Variants in ADGRF5 observed in about 807,000 individuals in gnomAD.
ADGRF5 encodes the protein adhesion G protein-coupled receptor F5.
In ADGRF5, 75 loss-of-function variants were observed where a neutral mutation model predicts 132.3. The observed-to-expected ratio is 0.57, with a 90% CI of 0.47 to 0.69. The LOEUF (loss-of-function observed/expected upper bound fraction) is 0.69. Among genes scored for constraint, ADGRF5 ranks in the 30% least tolerant of loss-of-function variants. The probability of loss-of-function intolerance (pLI) is 0.00; values close to 1 mark genes in which losing one functional copy is unlikely to be tolerated. For synonymous variants in ADGRF5, 629 were observed against 597.6 expected (o/e 1.05, Z -0.77); for missense variants, 1,516 against 1,630.6 (o/e 0.93, Z 1.21).
At chr6:46,936,811 C>T (rs1011258304) in intron 1 of ADGRF5, among the ~76,000 whole-genome samples, 1 of 152,134 alleles carries the variant, frequency 6.6e-6, no homozygotes, top group African/African-American at 2.4e-5. Context: ...GAGATCCCAG[C>T]GGGAGGTTGT....
rs186175137 is a variant in ADGRF5, at chr6:46,883,293, C to T, written c.612+266G>A. Among the ~76,000 whole-genome samples, 149 of 152,184 alleles carry T rather than the reference C, an allele frequency of 9.8e-4. 1 individual carries two copies. Among genetic ancestry groups the T allele is most frequent in the Admixed American group, 7.3e-3 (111 of 15,282 alleles). ...CTATAGGTTCTTGGGGCTTTGAATA[C>T]GTTTTAGTGAATTGATGCCACGAAA... On this transcript the variant is annotated intron_variant, in intron 6 of 20. Transcript: ENST00000283296.
intron 1 of ADGRF5, among the ~76,000 whole-genome samples, chr6:46,950,003 A>G (rs1217924894): frequency 6.6e-6 from 1 of 152,204 alleles, no homozygotes; most frequent in Non-Finnish European, 1.5e-5. Context: ...AAAGTCAGCT[A>G]TCCTCACTCT....
intron 3 of ADGRF5, among the ~76,000 whole-genome samples, chr6:46,894,119 A>G (rs1581889524): frequency 6.6e-6 from 1 of 152,336 alleles, no homozygotes; most frequent in Non-Finnish European, 1.5e-5. Flanking sequence ...AAAGAGGCCA[A>G]TGCAATTTTA....
chr6:46,854,644 T>C, intron 20 of ADGRF5: 1 of 838,720 alleles, frequency 1.2e-6, no homozygotes, highest in South Asian at 1.4e-5. Flanking sequence ...TGCGGGGAGG[T>C]GGGGACTGTG....
chr6:46,925,636 A>G (rs111838418), upstream of ADGRF5, among the ~76,000 whole-genome samples: 586 of 152,334 alleles, frequency 3.8e-3, 3 homozygotes, highest in Middle Eastern at 0.01. Context: ...AGGTGCCTGT[A>G]ATCCCAGCTA....
At chr6:46,931,891 G>T (rs1216085207) in intron 1 of ADGRF5, among the ~76,000 whole-genome samples, 1 of 152,124 alleles carries the variant, frequency 6.6e-6, no homozygotes, top group East Asian at 1.9e-4. Flanking sequence ...TTGCGCTCCA[G>T]CCTGGGTGAC....
intron 8 of ADGRF5, 119 bp from the exon 9 acceptor site, chr6:46,880,158 C>A (rs1436751500): frequency 7.2e-6 from 5 of 694,982 alleles, no homozygotes; most frequent in Non-Finnish European, 1.3e-5. Flanking sequence ...TGGTGCTGAA[C>A]TGGCTGAGGC....
In ADGRF5 at chr6:46,878,421, A is replaced by G; in HGVS notation, c.1037-16T>C. On this transcript the variant is annotated splice_polypyrimidine_tract_variant and intron_variant, in intron 9 of 20. Transcript: ENST00000283296. ...ACATATTCACCTGCATAAAATACAC[A>G]AAATCATGTATTATTATAACACATG... 2.1e-6 allele frequency: 3 copies of G among 1,433,164 alleles called. No individual in the cohort carries two copies. Among genetic ancestry groups the G allele is most frequent in the Non-Finnish European group, 2.9e-6 (3 of 1,019,134 alleles). The allele number at this position is 1,433,164 out of a possible 1,614,324, so 88.8% of individuals were successfully genotyped here.
At chr6:46,926,486 G>A (rs199586801), upstream of ADGRF5, among the ~76,000 whole-genome samples, 3 of 151,980 alleles carry the variant, frequency 2.0e-5, no homozygotes, top group African/African-American at 4.8e-5. Context: ...CGGGTGAGGG[G>A]GGGGGCAGTG....
chr6:46,903,222 G>A (rs879280146), intron 2 of ADGRF5, among the ~76,000 whole-genome samples: 3 of 149,808 alleles, frequency 2.0e-5, no homozygotes, highest in Non-Finnish European at 4.5e-5. Context: ...AGGGAGCACA[G>A]GTTTGCCAGG....
rs1772792359 is a variant in ADGRF5, at chr6:46,884,089, A to G, written c.505+6T>C. 1 of 1,611,568 alleles carries G rather than the reference A, an allele frequency of 6.2e-7. No individual in the cohort carries two copies. Among genetic ancestry groups the G allele is most frequent in the East Asian group, 2.2e-5 (1 of 44,864 alleles). On this transcript the variant is annotated splice_donor_region_variant and intron_variant, in intron 5 of 20. Transcript: ENST00000283296. ...CTCAACGAGCATTTAATGAGCAGTT[A>G]CTTACCTTCCTGAAGCAGGCAAAAA... is the stretch of plus-strand genomic sequence containing the variant.
intron 15 of ADGRF5, among the ~76,000 whole-genome samples, 186 bp downstream of exon 15, chr6:46,862,702 G>GTTTTTTTTT (rs1562148328): frequency 1.2e-4 from 4 of 34,388 alleles, no homozygotes; most frequent in African/African-American, 3.2e-4. Flanking sequence ...TTGAATTGAG[G>GTTTTTTTTT]CTTTTTTTTT....
intron 2 of ADGRF5, among the ~76,000 whole-genome samples, chr6:46,906,201 A>G (rs1191911848): frequency 2.0e-5 from 3 of 152,194 alleles, no homozygotes; most frequent in Admixed American, 2.0e-4. Flanking sequence ...TCAGTCTGTG[A>G]CTGTCACACA....
At chr6:46,921,241 G>C (rs973210782) in intron 1 of ADGRF5, among the ~76,000 whole-genome samples, 1 of 152,030 alleles carries the variant, frequency 6.6e-6, no homozygotes, top group African/African-American at 2.4e-5. Context: ...GGACTCTCCC[G>C]AAGCTGAGCG....
chr6:46,910,091 A>C (rs548699347), intron 1 of ADGRF5, among the ~76,000 whole-genome samples: 1 of 152,160 alleles, frequency 6.6e-6, no homozygotes, highest in African/African-American at 2.4e-5. Context: ...GAAATCCTTC[A>C]TCAGCCCTGA....
intron 6 of ADGRF5, 74 bp from the exon 7 acceptor site, chr6:46,882,181 TA>T: frequency 1.0e-6 from 1 of 973,744 alleles, no homozygotes; most frequent in South Asian, 1.3e-5. Context: ...TGAAGCAGAG[TA>T]AAAACCACAT....
At chr6:46,889,478 T>C (rs1245578401) in intron 3 of ADGRF5, among the ~76,000 whole-genome samples, 1 of 146,762 alleles carries the variant, frequency 6.8e-6, no homozygotes, top group Non-Finnish European at 1.5e-5. Context: ...TAGTATGCTA[T>C]ATATAGTCTA....
chr6:46,951,235 G>A (rs1235825147), intron 1 of ADGRF5, among the ~76,000 whole-genome samples: 1 of 152,250 alleles, frequency 6.6e-6, no homozygotes, highest in Non-Finnish European at 1.5e-5. Flanking sequence ...GAGGCAGAAA[G>A]GCATAGGAGC....
chr6:46,926,485 G>T (rs930398133), upstream of ADGRF5, among the ~76,000 whole-genome samples: 31 of 138,120 alleles, frequency 2.2e-4, no homozygotes, highest in East Asian at 3.8e-3. Context: ...TCGGGTGAGG[G>T]GGGGGGCAGT....
Sources: allele counts gnomAD v4.1 joint callset (sites outside exome capture counted in the v4.1 genomes callset), GRCh38; gene constraint gnomAD v4.1.1; transcripts MANE v1.5; gene names NCBI Gene and HGNC (gene_info 2026-07-23, HGNC 2026-07-21).